The following REL variants were observed in gnomAD, a reference collection of about 807,000 sequenced individuals.
The protein encoded by REL is REL proto-oncogene, NF-kB subunit.
A neutral mutation model predicts 45.9 loss-of-function variants in REL; 15 were observed. The ratio of observed to expected loss-of-function variants is 0.33; its 90% CI spans 0.22 to 0.50. The LOEUF (loss-of-function observed/expected upper bound fraction) is 0.50, where lower values mean the gene tolerates loss of function less well. Ranked by LOEUF, REL falls within the 20% of genes least tolerant of loss-of-function variation. The probability of loss-of-function intolerance (pLI) is 0.98; values close to 1 mark genes in which losing one functional copy is unlikely to be tolerated. For synonymous variants in REL, 239 were observed against 242.1 expected, an observed-to-expected ratio of 0.99 and a Z score of 0.12; for missense variants, 601 against 715.2, an observed-to-expected ratio of 0.84 and a Z score of 1.82.
chr2:60,893,019 C>T (rs1673259554), intron 2 of REL, among the ~76,000 whole-genome samples: 1 of 152,190 alleles, frequency 6.6e-6, no homozygotes, highest in Non-Finnish European at 1.5e-5. Flanking sequence ...TCCCAAAGTG[C>T]TGAGATTATA....
In REL at chr2:60,927,992, A is replaced by G; in HGVS notation, c.*5457A>G. ...ACGTCTAACCTAATACTTCAGGAAA[A>G]CTCATGATGGTTTCCATGTTAAGAG... On this transcript the variant is annotated 3_prime_UTR_variant, in exon 10 of 10. Coordinates refer to ENST00000394479, the MANE Select transcript of REL (RefSeq NM_001291746.2). 4.8e-6 allele frequency: 1 copy of G among 210,396 alleles called. No homozygotes were observed. The highest frequency in any genetic ancestry group is 9.7e-6 in the Non-Finnish European group (1 of 103,616). The allele number at this position is 210,396 out of a possible 1,614,324, so 13.0% of individuals were successfully genotyped here.
At chr2:60,890,651 G>GTT (rs1221920850) in intron 1 of REL, among the ~76,000 whole-genome samples, 1 of 152,084 alleles carries the variant, frequency 6.6e-6, no homozygotes, top group African/African-American at 2.4e-5. Context: ...TAAAAGTAAA[G>GTT]TTGCATACAT....
chr2:60,928,028 C>G lies in REL; in HGVS notation c.*5493C>G, dbSNP rs1199923427. 2.0e-5 allele frequency: 4 copies of G among 202,760 alleles called. No individual in the cohort carries two copies. Among genetic ancestry groups the G allele is most frequent in the Non-Finnish European group, 4.1e-5 (4 of 98,726 alleles). The allele number at this position is 202,760 out of a possible 1,614,324, so 12.6% of individuals were successfully genotyped here. On this transcript the variant is annotated 3_prime_UTR_variant, in exon 10 of 10. Coordinates refer to ENST00000394479, the MANE Select transcript of REL (RefSeq NM_001291746.2). ...TTTCCATGTTAAGAGAGACATGGAG[C>G]AGGGCACTGGCATGGTGGATGGATC...
Position 60,904,584 on chromosome 2 carries a change from T to TA in REL, c.394+3515dup, listed in dbSNP as rs763409030. Among the ~76,000 whole-genome samples, 495 of 135,544 alleles carry TA rather than the reference T, an allele frequency of 3.7e-3. 1 individual carries two copies. The highest frequency in any genetic ancestry group is 0.012 in the African/African-American group (423 of 36,720). 88.9% of individuals were successfully genotyped at this position (135,544 alleles called of 152,430 possible). A position where few individuals can be genotyped will look rare whatever the true frequency, so the allele number is the denominator to read the frequency against. ...GAAACTCCATCTCAAAAAAAATAATTAAAAAAAAAAAAAATCAAGTAGGCC... is the reference window on the plus strand; with the variant it reads ...GAAACTCCATCTCAAAAAAAATAATTAAAAAAAAAAAAAAATCAAGTAGGCC... On this transcript the variant is annotated intron_variant, in intron 4 of 9. Coordinates refer to ENST00000394479, the MANE Select transcript of REL (RefSeq NM_001291746.2).
At chr2:60,909,772 G>A (rs983529151) in intron 4 of REL, among the ~76,000 whole-genome samples, 2 of 152,054 alleles carry the variant, frequency 1.3e-5, no homozygotes, top group African/African-American at 4.8e-5. Flanking sequence ...ATGGTGGCGT[G>A]CACCTCTAGT....
intron 7 of REL, among the ~76,000 whole-genome samples, chr2:60,919,512 G>A (rs1377355303): frequency 6.6e-6 from 1 of 152,028 alleles, no homozygotes; most frequent in African/African-American, 2.4e-5. Flanking sequence ...TGCAGCTTCT[G>A]CCTCCTGGGT....
intron 1 of REL, among the ~76,000 whole-genome samples, chr2:60,885,779 G>A (rs550249243): frequency 6.6e-6 from 1 of 152,312 alleles, no homozygotes; most frequent in South Asian, 2.1e-4. Context: ...ACCTTTATGA[G>A]AGACATGCAG....
At chr2:60,901,219 G>C (rs1232373648) in intron 4 of REL, 136 bp downstream of exon 4, 3 of 1,116,752 alleles carry the variant, frequency 2.7e-6, no homozygotes, top group Admixed American at 4.4e-5. Flanking sequence ...GCAATGGCGC[G>C]ATCTCAGCTC....
chr2:60,916,010 T>C (rs1203232571), intron 4 of REL, among the ~76,000 whole-genome samples: 1 of 152,218 alleles, frequency 6.6e-6, no homozygotes, highest in Non-Finnish European at 1.5e-5. Flanking sequence ...ACATGTACAA[T>C]TTTCTAATAG....
Position 60,927,375 on chromosome 2 carries a change from T to C in REL, c.*4840T>C, listed in dbSNP as rs72807491. The C allele has an allele frequency of 0.092, 21,383 of 231,944 alleles. 1,319 individuals carry two copies. Among genetic ancestry groups the C allele is most frequent in the Non-Finnish European group, 0.13 (15,580 of 117,080 alleles). 14.4% of individuals were successfully genotyped at this position (231,944 alleles called of 1,614,324 possible). ...TCCTTGACCTGCTGCTTCCCTTTTT[T>C]ACCACACACACACGCACACATACCA... On this transcript the variant is annotated 3_prime_UTR_variant, in exon 10 of 10. Coordinates refer to ENST00000394479, the MANE Select transcript of REL (RefSeq NM_001291746.2).
intron 4 of REL, among the ~76,000 whole-genome samples, chr2:60,910,878 G>A (rs1393909575): frequency 6.6e-6 from 1 of 152,134 alleles, no homozygotes; most frequent in African/African-American, 2.4e-5. Flanking sequence ...GCTGCAGTGA[G>A]CCAAGATCAC....
chr2:60,895,206 C>G (rs1266217724), intron 3 of REL, among the ~76,000 whole-genome samples: 1 of 151,568 alleles, frequency 6.6e-6, no homozygotes, highest in African/African-American at 2.4e-5. Context: ...TATTTTGAGA[C>G]AAGGTCTCGC....
At chr2:60,920,197 GTTTTGTTGT>G (rs1674100117) in intron 8 of REL, 88 bp downstream of exon 8, 1 of 1,100,168 alleles carries the variant, frequency 9.1e-7, no homozygotes, top group East Asian at 2.6e-5. Context: ...TTTTTGTTTT[GTTTTGTTGT>G]TTGTTTGTTT....
At position 60,920,025 on chromosome 2, in the gene REL, G is replaced by C; in HGVS notation, c.854-16G>C. On this transcript the variant is annotated splice_polypyrimidine_tract_variant and intron_variant, in intron 7 of 9. Transcript: ENST00000394479. ...CTATAATTTTTTATCTGCTTTCCTG[G>C]TTTCTTTCTAATCAGATACTTACGG... is the stretch of plus-strand genomic sequence containing the variant. 1 of 1,567,514 alleles carries C rather than the reference G, an allele frequency of 6.4e-7. No individual in the cohort carries two copies. Among genetic ancestry groups the C allele is most frequent in the Non-Finnish European group, 8.7e-7 (1 of 1,148,712 alleles).
At chr2:60,914,869 T>G (rs556634890) in intron 4 of REL, among the ~76,000 whole-genome samples, 161 of 149,768 alleles carry the variant, frequency 1.1e-3, no homozygotes, top group Non-Finnish European at 2.2e-3. Flanking sequence ...AGTCTTGCTC[T>G]GTCGCCCAGG....
In REL at chr2:60,923,066, C is replaced by T. The variant is rs957245660; in HGVS notation, c.*531C>T. 1.2e-5 allele frequency: 2 copies of T among 169,938 alleles called. No homozygotes were observed. Among genetic ancestry groups the T allele is most frequent in the African/African-American group, 4.8e-5 (2 of 41,448 alleles). The allele number at this position is 169,938 out of a possible 1,614,324, so 10.5% of individuals were successfully genotyped here. A position where few individuals can be genotyped will look rare whatever the true frequency, so the allele number is the denominator to read the frequency against. On this transcript the variant is annotated 3_prime_UTR_variant, in exon 10 of 10. Transcript: ENST00000394479. ...CTCAAAAAAAAAAAAACAAAAAAAA[C>T]ACACTTTTTTATATTTCTTTTTATA...
intron 9 of REL, 73 bp from the exon 10 acceptor site, chr2:60,921,690 C>A: frequency 7.7e-7 from 1 of 1,306,348 alleles, no homozygotes. Context: ...TGTGCTTATG[C>A]AATTTTAATT....
intron 4 of REL, among the ~76,000 whole-genome samples, 181 bp downstream of exon 4, chr2:60,901,264 T>A (rs1673490892): frequency 6.8e-6 from 1 of 146,612 alleles, no homozygotes; most frequent in Non-Finnish European, 1.5e-5. Flanking sequence ...CAAGCAATTC[T>A]CCTGCCTCAG....
Position 60,926,943 on chromosome 2 carries a change from C to A in REL, c.*4408C>A. On this transcript the variant is annotated 3_prime_UTR_variant, in exon 10 of 10. Coordinates refer to ENST00000394479, the MANE Select transcript of REL (RefSeq NM_001291746.2). ...ATTCCTTATTACATAGCTAGCATTCCTTGAAAAAAAACAATTCTCTCAGGC... is the reference window on the plus strand; with the variant it reads ...ATTCCTTATTACATAGCTAGCATTCATTGAAAAAAAACAATTCTCTCAGGC... 1 of 224,372 alleles carries A rather than the reference C, an allele frequency of 4.5e-6. No individual in the cohort carries two copies. The highest frequency in any genetic ancestry group is 8.9e-6 in the Non-Finnish European group (1 of 112,438). 13.9% of individuals were successfully genotyped at this position (224,372 alleles called of 1,614,324 possible).
Sources: gnomAD v4.1 joint callset for allele counts (sites outside exome capture counted in the v4.1 genomes callset) on GRCh38, gnomAD v4.1.1 for gene constraint, MANE v1.5 for transcripts, NCBI Gene and HGNC (gene_info 2026-07-23, HGNC 2026-07-21) for gene names.